KIF24: variants seen among roughly 807,000 people sequenced by gnomAD.
The protein encoded by KIF24 is kinesin-like protein KIF24.
In KIF24, 81 loss-of-function variants were observed where a neutral mutation model predicts 118.9. The ratio of observed to expected loss-of-function variants is 0.68; its 90% CI spans 0.57 to 0.82. KIF24 has a LOEUF of 0.82. Ranked by LOEUF, KIF24 falls within the 40% of genes least tolerant of loss-of-function variation. The pLI, the probability that KIF24 is intolerant of heterozygous loss-of-function variation, is 0.00. For missense variants in KIF24, 1,560 were observed against 1,661.6 expected (o/e 0.94, Z 1.06); for synonymous variants, 599 against 610.0 (o/e 0.98, Z 0.27).
At chr9:34,283,046 C>A (rs1358981705) in intron 6 of KIF24, among the ~76,000 whole-genome samples, 47 of 122,680 alleles carry the variant, frequency 3.8e-4, no homozygotes, top group African/African-American at 1.4e-3. Context: ...GAGCAAAACT[C>A]CGTCTCAAAA....
Position 34,308,855 on chromosome 9 carries a change from G to A in KIF24, c.623+1869C>T, listed in dbSNP as rs1033926581. 3.3e-5 allele frequency among the ~76,000 whole-genome samples: 5 copies of A among 152,174 alleles called. No homozygotes were observed. In the East Asian group the frequency reaches 7.7e-4, roughly 24 times the overall value. On this transcript the variant is annotated intron_variant, in intron 2 of 12. Transcript: ENST00000402558. ...AGTGCTTTGGGAAGCTGAGGTGGGA[G>A]GATCACTTGAGGCCAGGAGTTCAAG...
intron 2 of KIF24, among the ~76,000 whole-genome samples, chr9:34,307,019 T>C (rs1025670688): frequency 2.6e-5 from 4 of 152,122 alleles, no homozygotes; most frequent in African/African-American, 9.7e-5. Flanking sequence ...TACTATTTTA[T>C]ACAATTGTTT....
intron 7 of KIF24, among the ~76,000 whole-genome samples, 192 bp from the exon 8 acceptor site, chr9:34,269,554 G>A (rs1254873676): frequency 1.3e-5 from 2 of 151,994 alleles, no homozygotes; most frequent in African/African-American, 4.8e-5. Context: ...CGAGTAGCTG[G>A]GACTACAGGC....
At position 34,254,275 on chromosome 9, in the gene KIF24, G is replaced by A; in HGVS notation, c.*105C>T. On this transcript the variant is annotated 3_prime_UTR_variant, in exon 13 of 13. Transcript: ENST00000402558. ...ACGCTAGCATAGGCAGGACCAGCGT[G>A]TGGGTTCTGGTGTGTGCAGGGAGGA... is the stretch of plus-strand genomic sequence containing the variant. 7.8e-7 allele frequency: 1 copy of A among 1,278,034 alleles called. No individual in the cohort carries two copies. The highest frequency in any genetic ancestry group is 1.0e-6 in the Non-Finnish European group (1 of 960,252). The allele number at this position is 1,278,034 out of a possible 1,614,324, so 79.2% of individuals were successfully genotyped here. A position where few individuals can be genotyped will look rare whatever the true frequency, so the allele number is the denominator to read the frequency against.
intron 12 of KIF24, 26 bp from the exon 13 acceptor site, chr9:34,254,546 C>G: frequency 6.2e-7 from 1 of 1,608,840 alleles, no homozygotes; most frequent in East Asian, 2.2e-5. Context: ...GGGACGAATA[C>G]AGCTTTTGCT....
Position 34,318,583 on chromosome 9 carries a change from G to T in KIF24, c.-25-7212C>A. 1 of 1,359,326 alleles carries T rather than the reference G, an allele frequency of 7.4e-7. No homozygotes were observed. Among genetic ancestry groups the T allele is most frequent in the Non-Finnish European group, 1.0e-6 (1 of 965,592 alleles). The allele number at this position is 1,359,326 out of a possible 1,614,324, so 84.2% of individuals were successfully genotyped here. ...TCAGCCTGTACCAGGCCATGGCCAA[G>T]GACCAGGCGGTGGAGAACATCCTGG... On this transcript the variant is annotated intron_variant, in intron 1 of 12. Transcript: ENST00000402558. The surrounding 1 kb of genome is among the most constrained non-coding windows in gnomAD (Gnocchi z 4.9).
At position 34,254,322 on chromosome 9, in the gene KIF24, C is replaced by T; in HGVS notation, c.*58G>A. 2 of 1,513,442 alleles carry T rather than the reference C, an allele frequency of 1.3e-6. No individual in the cohort carries two copies. Among genetic ancestry groups the T allele is most frequent in the East Asian group, 4.7e-5 (2 of 42,626 alleles). 93.8% of individuals were successfully genotyped at this position (1,513,442 alleles called of 1,614,324 possible). On this transcript the variant is annotated 3_prime_UTR_variant, in exon 13 of 13. Coordinates refer to ENST00000402558, the MANE Select transcript of KIF24 (RefSeq NM_194313.4). ...AGGACCTGGCAGAGGCTCCTCCAGCCTGAGAGCCCAGCACAGACTCCTGCA... is the reference window on the plus strand; with the variant it reads ...AGGACCTGGCAGAGGCTCCTCCAGCTTGAGAGCCCAGCACAGACTCCTGCA...
At chr9:34,322,153 G>T (rs1026691492) in intron 1 of KIF24, among the ~76,000 whole-genome samples, 3 of 151,876 alleles carry the variant, frequency 2.0e-5, no homozygotes, top group African/African-American at 7.3e-5. Context: ...TAGTTATATC[G>T]GGCCTGCAAT....
intron 9 of KIF24, 126 bp from the exon 10 acceptor site, chr9:34,259,831 A>C (rs973477572): frequency 1.6e-6 from 1 of 627,624 alleles, no homozygotes; most frequent in African/African-American, 1.8e-5. Flanking sequence ...TAACATTAAC[A>C]AAAGAAAAAA....
At chr9:34,264,850 T>TA (rs982630641) in intron 8 of KIF24, among the ~76,000 whole-genome samples, 8 of 152,056 alleles carry the variant, frequency 5.3e-5, no homozygotes, top group East Asian at 3.9e-4. Context: ...TCAGTTCTGA[T>TA]AAAAAATAAG....
Position 34,311,195 on chromosome 9 carries a change from C to A in KIF24, c.152G>T (p.Arg51Leu). 6.2e-7 allele frequency: 1 copy of A among 1,613,038 alleles called. No individual in the cohort carries two copies. The highest frequency in any genetic ancestry group is 8.5e-7 in the Non-Finnish European group (1 of 1,179,272). Reference protein sequence around the residue: ...SKLGVHDMNDRKRLFQLIKII... With the variant: ...SKLGVHDMNDLKRLFQLIKII... ...TTTGATAAGTTGGAAGAGACGTTTG[C>A]GGTCGTTCATGTCATGGACTCCTAA... The change falls in exon 2 of 13, where the codon CGC (arginine) becomes CTC (leucine). Residue 51 changes from arginine (R) to leucine (L), a missense_variant. Around this residue, in one of 3 missense-constraint regions of KIF24, gnomAD observed 964 missense variants for 988.0 expected, o/e 0.98. Coordinates refer to ENST00000402558, the MANE Select transcript of KIF24 (RefSeq NM_194313.4).
intron 4 of KIF24, among the ~76,000 whole-genome samples, chr9:34,294,333 T>C (rs1443385983): frequency 6.6e-6 from 1 of 152,024 alleles, no homozygotes; most frequent in Admixed American, 6.6e-5. Flanking sequence ...AATGAAAACA[T>C]GCTCATAAAA....
intron 5 of KIF24, among the ~76,000 whole-genome samples, chr9:34,289,315 A>G (rs560364219): frequency 6.6e-6 from 1 of 152,196 alleles, no homozygotes; most frequent in East Asian, 1.9e-4. Flanking sequence ...TCCCCATTCC[A>G]TTGCTTGCTT....
chr9:34,259,266 C>G (rs1834966722), intron 10 of KIF24, among the ~76,000 whole-genome samples: 2 of 152,206 alleles, frequency 1.3e-5, no homozygotes, highest in Admixed American at 6.5e-5. Flanking sequence ...AGGAAGAAAA[C>G]AACACTGAGC....
intron 1 of KIF24, among the ~76,000 whole-genome samples, chr9:34,324,976 A>G (rs1336477864): frequency 2.0e-5 from 3 of 152,062 alleles, no homozygotes; most frequent in African/African-American, 7.2e-5. Context: ...TTATATTAAT[A>G]ATTATTATAT....
upstream of KIF24, among the ~76,000 whole-genome samples, chr9:34,333,549 C>G (rs1200474727): frequency 6.8e-6 from 1 of 146,354 alleles, no homozygotes; most frequent in African/African-American, 2.5e-5. Context: ...AGGAAAATTC[C>G]TTGAGCCCAG....
chr9:34,310,600 A>G, intron 2 of KIF24, 124 bp downstream of exon 2: 1 of 640,234 alleles, frequency 1.6e-6, no homozygotes, highest in Non-Finnish European at 2.6e-6. Flanking sequence ...GCTGTTCATG[A>G]TAATTTCTGT....
intron 7 of KIF24, among the ~76,000 whole-genome samples, chr9:34,270,800 G>A (rs1281097489): frequency 6.8e-5 from 10 of 146,230 alleles, no homozygotes; most frequent in Admixed American, 2.8e-4. Context: ...ACGGAGTCTC[G>A]CTCTGTTGCC....
At chr9:34,296,598 C>T (rs1461585575) in intron 4 of KIF24, among the ~76,000 whole-genome samples, 1 of 152,000 alleles carries the variant, frequency 6.6e-6, no homozygotes, top group African/African-American at 2.4e-5. Context: ...CTATCTGATT[C>T]CAAAGAAAAA....
Sources: gnomAD v4.1 joint callset for allele counts (sites outside exome capture counted in the v4.1 genomes callset) on GRCh38, gnomAD v4.1.1 for gene constraint, gnomAD v4.1.1 regional missense constraint, Gnocchi (gnomAD v3.1) non-coding constraint, MANE v1.5 for transcripts, NCBI Gene and HGNC (gene_info 2026-07-23, HGNC 2026-07-21) for gene names.